The following WDR11 variants were observed in gnomAD, a reference collection of about 807,000 sequenced individuals.
WDR11 encodes WD repeat-containing protein 11.
A neutral mutation model predicts 151.2 loss-of-function variants in WDR11; 83 were observed. The observed-to-expected ratio is 0.55, with a 90% CI of 0.46 to 0.66. WDR11 has a LOEUF of 0.66. WDR11 is among the 30% of genes least tolerant of loss of function. The pLI is 0.00. For synonymous variants in WDR11, 484 were observed against 533.1 expected (o/e 0.91, Z 1.27); for missense variants, 1,301 against 1,480.9 (o/e 0.88, Z 1.99).
At chr10:120,885,383 T>G (rs1335437286) in intron 14 of WDR11, among the ~76,000 whole-genome samples, 1 of 151,896 alleles carries the variant, frequency 6.6e-6, no homozygotes, top group Non-Finnish European at 1.5e-5. Flanking sequence ...TGCGAGGATA[T>G]TGGACTAAAA....
Position 120,878,395 on chromosome 10 carries a change from T to C in WDR11, c.1599T>C (p.Ala533=), listed in dbSNP as rs1590084308. The C allele has an allele frequency of 6.2e-7, 1 of 1,613,330 alleles. No homozygotes were observed. The highest frequency in any genetic ancestry group is 1.7e-5 in the Admixed American group (1 of 60,004). Residue 533 remains alanine, a synonymous_variant, in exon 12 of 29, where the codon GCT becomes GCC. Transcript: ENST00000263461. ...GTTTGACTAGTTTTCTTTCTTTTGC[T>C]ACCTCAACACCAAACAATATGGGAT... ...WTSLTSFLSF[A]TSTPNNMGLV...
intron 28 of WDR11, among the ~76,000 whole-genome samples, chr10:120,907,106 A>G (rs1848082477): frequency 6.6e-6 from 1 of 151,264 alleles, no homozygotes; most frequent in Middle Eastern, 3.4e-3. Flanking sequence ...TATAGAGGAC[A>G]GGGCCCCCAA....
At chr10:120,888,444 T>C (rs1847299485) in intron 16 of WDR11, among the ~76,000 whole-genome samples, 1 of 152,242 alleles carries the variant, frequency 6.6e-6, no homozygotes. Context: ...GAGCATCTAT[T>C]AGAACTGCAA....
intron 11 of WDR11, 49 bp from the exon 12 acceptor site, chr10:120,878,304 C>T: frequency 7.1e-7 from 1 of 1,414,462 alleles, no homozygotes; most frequent in Non-Finnish European, 9.9e-7. Context: ...ATGAACCTTT[C>T]AAATAAAAAA....
chr10:120,885,966 C>A, intron 15 of WDR11, 28 bp downstream of exon 15: 1 of 1,611,542 alleles, frequency 6.2e-7, no homozygotes, highest in South Asian at 1.1e-5. Context: ...TTGACACTGT[C>A]ATTTGTGCCA....
rs1257398648 is a variant in WDR11, at chr10:120,889,968, G to T, written c.2302G>T (p.Ala768Ser). ...APGKGNQKLI[A>S]MYNDGAEVWD... ...TGGTAAAGGAAATCAAAAATTAATAGCAATGTACAATGATGGAGCTGAAGT... is the reference window on the plus strand; with the variant it reads ...TGGTAAAGGAAATCAAAAATTAATATCAATGTACAATGATGGAGCTGAAGT... Residue 768 changes from alanine to serine, a missense_variant, in exon 18 of 29, where the codon GCA becomes TCA. Ala to Ser is a moderately conservative substitution (Grantham distance 99). This residue lies in a region of WDR11 where 589 missense variants were observed against 670.6 expected (regional missense o/e 0.88). Transcript: ENST00000263461. 1 of 1,613,984 alleles carries T rather than the reference G, an allele frequency of 6.2e-7. No individual in the cohort carries two copies. The highest frequency in any genetic ancestry group is 1.7e-5 in the Admixed American group (1 of 60,014).
intron 12 of WDR11, chr10:120,880,558 C>T (rs1313412523): frequency 5.1e-6 from 2 of 389,230 alleles, no homozygotes; most frequent in East Asian, 1.2e-4. Context: ...ACTCGGGATG[C>T]TAAGGCAAGA....
chr10:120,862,128 T>G (rs111398947), intron 4 of WDR11, among the ~76,000 whole-genome samples: 9,450 of 151,130 alleles, frequency 0.063, 967 homozygotes, highest in African/African-American at 0.22. Flanking sequence ...TGTTTGTTTG[T>G]TTTTTGTTTT....
intron 18 of WDR11, among the ~76,000 whole-genome samples, chr10:120,890,274 G>A (rs891945190): frequency 1.3e-5 from 2 of 151,898 alleles, no homozygotes; most frequent in South Asian, 2.1e-4. Context: ...GTGCAATGGC[G>A]CGATCTCGAC....
chr10:120,878,887 TG>T (rs1252034480), intron 12 of WDR11: 5 of 156,108 alleles, frequency 3.2e-5, no homozygotes, highest in African/African-American at 1.2e-4. Context: ...ATTTAAAACT[TG>T]TAATAGTCTC....
intron 16 of WDR11, among the ~76,000 whole-genome samples, chr10:120,887,160 T>G (rs1054865330): frequency 7.9e-5 from 12 of 152,294 alleles, no homozygotes; most frequent in African/African-American, 2.9e-4. Flanking sequence ...AGAGCAGTGT[T>G]TTAAACTCAG....
At position 120,889,201 on chromosome 10, in the gene WDR11, A is replaced by G. The variant is rs1379456445; in HGVS notation, c.2228+17A>G. 6.6e-7 allele frequency: 1 copy of G among 1,512,876 alleles called. No individual in the cohort carries two copies. The highest frequency in any genetic ancestry group is 2.3e-5 in the East Asian group (1 of 44,332). The allele number at this position is 1,512,876 out of a possible 1,614,324, so 93.7% of individuals were successfully genotyped here. A position where few individuals can be genotyped will look rare whatever the true frequency, so the allele number is the denominator to read the frequency against. Reference sequence around the variant, plus strand: ...AGTATCCAGGTATAAGCCAAGAATGAAATCTTGTTATTTCATTAAAAAAAA... The same window carrying G: ...AGTATCCAGGTATAAGCCAAGAATGGAATCTTGTTATTTCATTAAAAAAAA... On this transcript the variant is annotated intron_variant, in intron 17 of 28. Transcript: ENST00000263461.
In WDR11 at chr10:120,893,765, G is replaced by A. The variant is rs1327655591; in HGVS notation, c.2515+2878G>A. ...TTGAGTTGCATTTCTCTGATGGCCA[G>A]TGATGATGAGCATTTTTTCATGTGT... On this transcript the variant is annotated intron_variant, in intron 19 of 28. Transcript: ENST00000263461. 5.3e-5 allele frequency among the ~76,000 whole-genome samples: 8 copies of A among 152,176 alleles called. No individual in the cohort carries two copies. In the East Asian group the frequency reaches 1.5e-3, roughly 29 times the overall value.
Position 120,865,784 on chromosome 10 carries a change from A to G in WDR11, c.994+40A>G, listed in dbSNP as rs1564943829. 6.5e-6 allele frequency: 9 copies of G among 1,389,688 alleles called. 1 individual carries two copies. The highest frequency in any genetic ancestry group is 8.1e-6 in the Non-Finnish European group (8 of 986,118). The allele number at this position is 1,389,688 out of a possible 1,614,324, so 86.1% of individuals were successfully genotyped here. ...CACAATAATGTTATATTTTTCTTCA[A>G]AATTATTTTATAAAGCTTGATGTGG... On this transcript the variant is annotated intron_variant, in intron 7 of 28. Transcript: ENST00000263461.
chr10:120,851,392 A>G lies in WDR11; in HGVS notation c.-29A>G. 6.3e-7 allele frequency: 1 copy of G among 1,592,708 alleles called. No homozygotes were observed. The highest frequency in any genetic ancestry group is 8.6e-7 in the Non-Finnish European group (1 of 1,168,738). ...GTCCGCCGCTTCCTGGTTGCGGGTCAGCGCCCAGGTCCTGGGCTGGCCGCC... is the reference window on the plus strand; with the variant it reads ...GTCCGCCGCTTCCTGGTTGCGGGTCGGCGCCCAGGTCCTGGGCTGGCCGCC... On this transcript the variant is annotated 5_prime_UTR_variant, in exon 1 of 29. Coordinates refer to ENST00000263461, the MANE Select transcript of WDR11 (RefSeq NM_018117.12).
intron 10 of WDR11, among the ~76,000 whole-genome samples, chr10:120,873,171 CT>C (rs1846608564): frequency 6.6e-6 from 1 of 152,178 alleles, no homozygotes; most frequent in African/African-American, 2.4e-5. Context: ...CAAGTGCTTA[CT>C]TTGTGCCAAT....
At chr10:120,893,457 T>C (rs1424478609) in intron 19 of WDR11, among the ~76,000 whole-genome samples, 2 of 152,170 alleles carry the variant, frequency 1.3e-5, no homozygotes, top group African/African-American at 4.8e-5. Flanking sequence ...CTATTGTGAA[T>C]AGTGCCGTAA....
intron 11 of WDR11, among the ~76,000 whole-genome samples, chr10:120,876,322 ATC>A (rs1846787072): frequency 6.6e-6 from 1 of 152,148 alleles, no homozygotes; most frequent in African/African-American, 2.4e-5. Flanking sequence ...TGTGATGGAA[ATC>A]TCTGAAAAGT....
chr10:120,889,230 A>G, intron 17 of WDR11, 46 bp downstream of exon 17: 1 of 1,087,500 alleles, frequency 9.2e-7, no homozygotes, highest in South Asian at 1.3e-5. Context: ...AAAAAAAGAA[A>G]TGAAATCTTT....
Sources: gnomAD v4.1 joint callset for allele counts (sites outside exome capture counted in the v4.1 genomes callset) on GRCh38, gnomAD v4.1.1 for gene constraint, gnomAD v4.1.1 regional missense constraint, MANE v1.5 for transcripts, NCBI Gene and HGNC (gene_info 2026-07-23, HGNC 2026-07-21) for gene names.